PTPRQ: variants seen among roughly 807,000 people sequenced by gnomAD.
PTPRQ encodes protein tyrosine phosphatase receptor type Q.
A neutral mutation model predicts 246.0 loss-of-function variants in PTPRQ; 199 were observed. The observed-to-expected ratio is 0.81, with a 90% CI of 0.72 to 0.91. PTPRQ has a LOEUF of 0.91. PTPRQ is among the 40% of genes least tolerant of loss of function. PTPRQ has a pLI of 0.00. For synonymous variants in PTPRQ, 869 were observed against 853.2 expected (o/e 1.02, Z -0.32); for missense variants, 2,624 against 2,528.4 (o/e 1.04, Z -0.81).
intron 37 of PTPRQ, 81 bp downstream of exon 37, chr12:80,649,750 C>G (rs1900196137): frequency 6.8e-7 from 1 of 1,469,676 alleles, no homozygotes; most frequent in Non-Finnish European, 9.0e-7. Flanking sequence ...TTTAAGCAAG[C>G]AAGGCCATGA....
chr12:80,629,671 G>T (rs1002597986), intron 33 of PTPRQ, among the ~76,000 whole-genome samples: 1 of 152,110 alleles, frequency 6.6e-6, no homozygotes, highest in African/African-American at 2.4e-5. Flanking sequence ...AGTGGGAGAT[G>T]AGGAGGATTT....
At chr12:80,510,601 A>G (rs1895097306) in intron 17 of PTPRQ, among the ~76,000 whole-genome samples, 158 bp downstream of exon 17, 1 of 152,160 alleles carries the variant, frequency 6.6e-6, no homozygotes. Context: ...GTTTTTCCAT[A>G]TTATGTAGTG....
Position 80,479,443 on chromosome 12 carries a change from C to T in PTPRQ, c.1187-4990C>T, listed in dbSNP as rs527668627. 3.7e-4 allele frequency among the ~76,000 whole-genome samples: 56 copies of T among 151,064 alleles called. 1 individual carries two copies. In the South Asian group the frequency reaches 0.011, roughly 29 times the overall value. ...AATCATGCCAAAATGTAAAGACCAT[C>T]GAGACTAGGAAGAAACTGCATCAAC... On this transcript the variant is annotated intron_variant, in intron 8 of 44. Transcript: ENST00000644991.
chr12:80,534,839 G>T, intron 18 of PTPRQ, 53 bp from the exon 19 acceptor site: 1 of 1,500,680 alleles, frequency 6.7e-7, no homozygotes, highest in South Asian at 1.3e-5. Flanking sequence ...GGCCATTTCA[G>T]ACATTACTTG....
In PTPRQ at chr12:80,574,132, C is replaced by T. The variant is rs192470563; in HGVS notation, c.4286-13997C>T. Among the ~76,000 whole-genome samples, 189 of 152,116 alleles carry T rather than the reference C, an allele frequency of 1.2e-3. 1 individual carries two copies. The highest frequency in any genetic ancestry group is 1.9e-3 in the Non-Finnish European group (131 of 67,958). On this transcript the variant is annotated intron_variant, in intron 25 of 44. Transcript: ENST00000644991. ...TGTTATATTTTCCTAATTAACTGAT[C>T]CTTTGATCATTATAAACTATCCCTT...
chr12:80,456,286 A>C (rs1206499233), intron 3 of PTPRQ, among the ~76,000 whole-genome samples: 1 of 152,196 alleles, frequency 6.6e-6, no homozygotes, highest in East Asian at 1.9e-4. Context: ...CTGGAAAGCA[A>C]ATACTAATAG....
rs112607780 is a variant in PTPRQ, at chr12:80,603,153, C to T, written c.4610-1906C>T. The stretch of plus-strand genomic sequence containing the variant: ...AATTTGCACCCACATCAAATTATTC[C>T]GAGTTCTTTTTATTAATCTTTCTAT... On this transcript the variant is annotated intron_variant, in intron 26 of 44. Transcript: ENST00000644991. 2.0e-3 allele frequency among the ~76,000 whole-genome samples: 308 copies of T among 151,776 alleles called. 3 individuals carry two copies. Among genetic ancestry groups the T allele is most frequent in the African/African-American group, 7.2e-3 (298 of 41,468 alleles).
chr12:80,598,056 TA>T (rs1343177138), intron 26 of PTPRQ, among the ~76,000 whole-genome samples: 1 of 151,988 alleles, frequency 6.6e-6, no homozygotes, highest in African/African-American at 2.4e-5. Flanking sequence ...AGTCTGAAAT[TA>T]GTCAGGAAAT....
At position 80,506,570 on chromosome 12, in the gene PTPRQ, A is replaced by G. The variant is rs1360108439; in HGVS notation, c.2457A>G (p.Val819=). 6.6e-7 allele frequency: 1 copy of G among 1,522,664 alleles called. No individual in the cohort carries two copies. The highest frequency in any genetic ancestry group is 2.1e-5 in the Admixed American group (1 of 48,556). 94.3% of individuals were successfully genotyped at this position (1,522,664 alleles called of 1,614,324 possible). ...NTTSLTQNIK[V]LKKYTQYIIE... The stretch of plus-strand genomic sequence containing the variant: ...CTTACCTATTTGATTTCTCTTTAGT[A>G]CTGAAGAAATATACCCAATATATCA... The change falls in exon 16 of 45, where the codon GTA becomes GTG. Residue 819 remains valine (V), a splice_region_variant and synonymous_variant. Transcript: ENST00000644991.
intron 17 of PTPRQ, among the ~76,000 whole-genome samples, chr12:80,525,488 T>C (rs1238718507): frequency 5.3e-5 from 8 of 152,164 alleles, no homozygotes. Context: ...TTAGGCCATA[T>C]ACATTGAGTC....
chr12:80,557,072 TCCTG>T (rs1221073535), intron 25 of PTPRQ, among the ~76,000 whole-genome samples: 3 of 152,142 alleles, frequency 2.0e-5, no homozygotes, highest in Non-Finnish European at 4.4e-5. Flanking sequence ...TTGGCCATTT[TCCTG>T]AACACTGCAG....
chr12:80,534,003 T>C lies in PTPRQ; in HGVS notation c.2679-12T>C, dbSNP rs2120805352. ...AAATTCAATTCTACAGATAATATTC[T>C]TTTTATCTCAGGAATAGATCATCAT... On this transcript the variant is annotated splice_polypyrimidine_tract_variant and intron_variant, in intron 17 of 44. Transcript: ENST00000644991. 7.5e-6 allele frequency: 11 copies of C among 1,457,776 alleles called. No individual in the cohort carries two copies. The highest frequency in any genetic ancestry group is 3.0e-5 in the South Asian group (2 of 67,152). The allele number at this position is 1,457,776 out of a possible 1,614,324, so 90.3% of individuals were successfully genotyped here.
intron 25 of PTPRQ, among the ~76,000 whole-genome samples, chr12:80,586,015 G>GGAAATCGCA (rs1897605468): frequency 6.6e-6 from 1 of 151,500 alleles, no homozygotes; most frequent in Admixed American, 6.6e-5. Flanking sequence ...ATAGTTTACT[G>GGAAATCGCA]AGAATGATGA....
In PTPRQ at chr12:80,669,132, A is replaced by G. The variant is rs1267491741; in HGVS notation, c.6318A>G (p.Glu2106=). Residue 2106 remains glutamate (E), a synonymous_variant, in exon 40 of 45, where the codon GAA becomes GAG. Coordinates refer to ENST00000644991, the MANE Select transcript of PTPRQ (RefSeq NM_001145026.2). ...KTLVMLTQCF[E]KGRIRCHQYW... ...TAGTAATGCTAACACAGTGTTTTGA[A>G]AAAGGACGGGTAAGTTATTTGAAAA... 5.8e-6 allele frequency: 9 copies of G among 1,546,164 alleles called. No homozygotes were observed. The highest frequency in any genetic ancestry group is 3.6e-5 in the South Asian group (3 of 82,590).
chr12:80,483,610 G>T (rs1365053227), intron 8 of PTPRQ, among the ~76,000 whole-genome samples: 1 of 152,104 alleles, frequency 6.6e-6, no homozygotes, highest in Non-Finnish European at 1.5e-5. Flanking sequence ...TATACTTTCA[G>T]TTCTGGGGTA....
At chr12:80,485,653 A>T (rs1323061115) in intron 9 of PTPRQ, among the ~76,000 whole-genome samples, 1 of 152,050 alleles carries the variant, frequency 6.6e-6, no homozygotes, top group Non-Finnish European at 1.5e-5. Context: ...TCCTATGTTG[A>T]TTCCTTTCCT....
At chr12:80,620,924 T>C (rs1000976482) in intron 32 of PTPRQ, among the ~76,000 whole-genome samples, 1 of 152,032 alleles carries the variant, frequency 6.6e-6, no homozygotes, top group Admixed American at 6.6e-5. Flanking sequence ...CAATTTGATA[T>C]TTTGGCTGTA....
In PTPRQ at chr12:80,472,152, A is replaced by G. The variant is rs1893659468; in HGVS notation, c.1087A>G (p.Asn363Asp). Residue 363 changes from asparagine to aspartate, a missense_variant, in exon 8 of 45, where the codon AAC becomes GAC. Coordinates refer to ENST00000644991, the MANE Select transcript of PTPRQ (RefSeq NM_001145026.2). ...STKDLKFAFT[N>D]LTPFTMYDVY... is the part of the protein sequence containing the mutation. ...AAAAGACCTCAAGTTTGCATTCACT[A>G]ACCTAACACCATTTACAATGTATGA... 1.3e-6 allele frequency: 2 copies of G among 1,551,634 alleles called. No individual in the cohort carries two copies. The highest frequency in any genetic ancestry group is 8.7e-7 in the Non-Finnish European group (1 of 1,146,964).
chr12:80,524,113 A>G (rs1292074555), intron 17 of PTPRQ, among the ~76,000 whole-genome samples: 1 of 152,162 alleles, frequency 6.6e-6, no homozygotes, highest in Non-Finnish European at 1.5e-5. Flanking sequence ...CTTTAGCATT[A>G]TGTAATGGCC....
Sources: allele counts gnomAD v4.1 joint callset (sites outside exome capture counted in the v4.1 genomes callset), GRCh38; gene constraint gnomAD v4.1.1; transcripts MANE v1.5; gene names NCBI Gene and HGNC (gene_info 2026-07-23, HGNC 2026-07-21).